MEF2C: variants seen among roughly 807,000 people sequenced by gnomAD.
MEF2C encodes the protein myocyte enhancer factor 2C, also known as myocyte-specific enhancer factor 2C.
MEF2C carries 6 observed loss-of-function variants against 50.5 expected under a neutral mutation model. The ratio of observed to expected loss-of-function variants is 0.12; its 90% CI spans 0.07 to 0.23. The LOEUF is 0.23. Among genes scored for constraint, MEF2C ranks in the 10% least tolerant of loss-of-function variants. The pLI is 1.00. For synonymous variants in MEF2C, 183 were observed against 228.0 expected, an observed-to-expected ratio of 0.80 and a Z score of 1.78; for missense variants, 276 against 605.0, an observed-to-expected ratio of 0.46 and a Z score of 5.70.
At chr5:88,764,324 C>T (rs532241138) in intron 3 of MEF2C, among the ~76,000 whole-genome samples, 14 of 152,204 alleles carry the variant, frequency 9.2e-5, no homozygotes, top group Non-Finnish European at 1.8e-4. Context: ...TAAACCTATG[C>T]CAGGTCTCAA....
intron 10 of MEF2C, 141 bp downstream of exon 10, chr5:88,728,352 T>C (rs1759836286): frequency 4.7e-6 from 3 of 644,962 alleles, no homozygotes; most frequent in East Asian, 3.5e-5. Context: ...TTGAAAAGTA[T>C]TGATCTGAAA....
chr5:88,812,822 G>C (rs1246440402), intron 2 of MEF2C, among the ~76,000 whole-genome samples: 1 of 152,048 alleles, frequency 6.6e-6, no homozygotes, highest in East Asian at 1.9e-4. Context: ...CTTTCTGTTA[G>C]TTAGTGTTCC....
In MEF2C at chr5:88,736,471, G is replaced by T. The variant is rs554418524; in HGVS notation, c.638-4570C>A. Among the ~76,000 whole-genome samples the T allele has an allele frequency of 2.1e-3, 22 of 10,420 alleles. 6 individuals carry two copies. Among genetic ancestry groups the T allele is most frequent in the African/African-American group, 4.0e-3 (22 of 5,468 alleles). 6.8% of individuals were successfully genotyped at this position (10,420 alleles called of 152,430 possible). A position where few individuals can be genotyped will look rare whatever the true frequency, so the allele number is the denominator to read the frequency against. The stretch of plus-strand genomic sequence containing the variant: ...ATTGCGCCACTGCAGTCCGCAGTCC[G>T]ACCTGGGCGACAGAGCGAGACTCCG... On this transcript the variant is annotated intron_variant, in intron 6 of 10. Transcript: ENST00000504921.
At chr5:88,730,061 G>T in intron 8 of MEF2C, 150 bp downstream of exon 8, 2 of 635,916 alleles carry the variant, frequency 3.1e-6, no homozygotes, top group Non-Finnish European at 4.8e-6. Flanking sequence ...TTTCACCTGT[G>T]AGTGATGCCA....
Position 88,727,973 on chromosome 5 carries a change from G to A in MEF2C, c.1100+520C>T, listed in dbSNP as rs539759183. 5.9e-5 allele frequency among the ~76,000 whole-genome samples: 9 copies of A among 151,872 alleles called. No homozygotes were observed. In the South Asian group the frequency reaches 1.2e-3, roughly 21 times the overall value. ...TTTTATATCCAAATTTAGGTAATTA[G>A]TATTATATGTACTAGTTAGTATTAT... On this transcript the variant is annotated intron_variant, in intron 10 of 10. Transcript: ENST00000504921.
intron 6 of MEF2C, chr5:88,743,768 T>C: frequency 1.0e-6 from 1 of 985,370 alleles, no homozygotes; most frequent in Middle Eastern, 5.2e-4. Flanking sequence ...TCCATGTATT[T>C]AGCTGACATA....
chr5:88,885,430 G>A (rs1280680206), upstream of MEF2C, among the ~76,000 whole-genome samples: 1 of 152,172 alleles, frequency 6.6e-6, no homozygotes, highest in Non-Finnish European at 1.5e-5. Context: ...TTATAGGAAT[G>A]CATCACAAAC....
intron 6 of MEF2C, chr5:88,739,779 G>C: frequency 1.0e-6 from 1 of 985,102 alleles, no homozygotes; most frequent in Non-Finnish European, 1.2e-6. Flanking sequence ...ATAGCTCTAA[G>C]AGAAAAGGCA....
At chr5:88,753,328 CA>C (rs1225485519) in intron 4 of MEF2C, among the ~76,000 whole-genome samples, 1 of 152,130 alleles carries the variant, frequency 6.6e-6, no homozygotes. Context: ...AAATGCTTTA[CA>C]TTCAAAACTC....
intron 2 of MEF2C, among the ~76,000 whole-genome samples, chr5:88,810,155 A>G (rs1802159745): frequency 6.6e-6 from 1 of 152,088 alleles, no homozygotes; most frequent in African/African-American, 2.4e-5. Context: ...ATTTTATGTT[A>G]GAGTAGATGC....
chr5:88,792,084 A>G (rs1411445612), intron 3 of MEF2C, among the ~76,000 whole-genome samples: 1 of 152,118 alleles, frequency 6.6e-6, no homozygotes, highest in Non-Finnish European at 1.5e-5. Context: ...TCTCAAGAAT[A>G]CTATTTCTCT....
chr5:88,748,708 G>T, intron 6 of MEF2C: 1 of 921,266 alleles, frequency 1.1e-6, no homozygotes, highest in Non-Finnish European at 1.3e-6. Context: ...TTCTTTGGCT[G>T]GAAAATGATT....
chr5:88,870,532 T>TA (rs1432886230), intron 1 of MEF2C, among the ~76,000 whole-genome samples: 1 of 151,818 alleles, frequency 6.6e-6, no homozygotes, highest in Non-Finnish European at 1.5e-5. Context: ...GCACAGCAAA[T>TA]AAAAAATGGA....
intron 1 of MEF2C, among the ~76,000 whole-genome samples, chr5:88,903,026 T>C (rs1471734682): frequency 2.0e-5 from 3 of 151,990 alleles, no homozygotes; most frequent in Non-Finnish European, 4.4e-5. Flanking sequence ...CTGTGAAGCA[T>C]AGTTAAAAGA....
chr5:88,750,029 C>CAAA, intron 5 of MEF2C: 4 of 285,888 alleles, frequency 1.4e-5, no homozygotes, highest in Non-Finnish European at 1.9e-5. Flanking sequence ...GACTCCGTCT[C>CAAA]AAAAAAAAAA....
At chr5:88,756,778 C>T (rs781320713) in intron 4 of MEF2C, among the ~76,000 whole-genome samples, 23 of 131,054 alleles carry the variant, frequency 1.8e-4, no homozygotes, top group Non-Finnish European at 3.8e-4. Context: ...AAAGCATCTA[C>T]ATTTAAACAA....
At chr5:88,753,565 AT>A (rs935999582) in intron 4 of MEF2C, among the ~76,000 whole-genome samples, 1 of 151,874 alleles carries the variant, frequency 6.6e-6, no homozygotes, top group Non-Finnish European at 1.5e-5. Context: ...ATTTTTTTGT[AT>A]TTTTAGTAGA....
rs574930811 is a variant in MEF2C, at chr5:88,752,787, T to C, written c.403-744A>G. 4 of 985,030 alleles carry C rather than the reference T, an allele frequency of 4.1e-6. No homozygotes were observed. The African/African-American group carries it at 7.0e-5, about 17-fold the overall frequency. 61.0% of individuals were successfully genotyped at this position (985,030 alleles called of 1,614,324 possible). A position where few individuals can be genotyped will look rare whatever the true frequency, so the allele number is the denominator to read the frequency against. Reference sequence around the variant, plus strand: ...TTAGATTAATCCAGGTTTCAATGATTGATTTTTGAGTAATTATTTTGTCAA... The same window carrying C: ...TTAGATTAATCCAGGTTTCAATGATCGATTTTTGAGTAATTATTTTGTCAA... On this transcript the variant is annotated intron_variant, in intron 4 of 10. Transcript: ENST00000504921.
chr5:88,796,324 A>T (rs926174189), intron 3 of MEF2C, among the ~76,000 whole-genome samples: 1 of 151,982 alleles, frequency 6.6e-6, no homozygotes, highest in Admixed American at 6.6e-5. Context: ...AGCACTTGTT[A>T]TTGGTCTATT....
Sources: allele counts gnomAD v4.1 joint callset (sites outside exome capture counted in the v4.1 genomes callset), GRCh38; gene constraint gnomAD v4.1.1; transcripts MANE v1.5; gene names NCBI Gene and HGNC (gene_info 2026-07-23, HGNC 2026-07-21).